XXYLT1: variants seen among roughly 807,000 people sequenced by gnomAD.
XXYLT1 encodes xyloside xylosyltransferase 1.
In XXYLT1, 20 loss-of-function variants were observed where a neutral mutation model predicts 28.9. That is an observed-to-expected ratio of 0.69 (90% CI 0.49 to 1.00). The LOEUF (loss-of-function observed/expected upper bound fraction) is 1.00. Among genes scored for constraint, XXYLT1 ranks in the 50% least tolerant of loss-of-function variants. XXYLT1 has a pLI of 0.00. For missense variants in XXYLT1, 542 were observed against 560.1 expected, an observed-to-expected ratio of 0.97 and a Z score of 0.33; for synonymous variants, 257 against 253.8, an observed-to-expected ratio of 1.01 and a Z score of -0.12.
chr3:195,127,899 C>T (rs1198386592), intron 3 of XXYLT1, among the ~76,000 whole-genome samples: 1 of 152,132 alleles, frequency 6.6e-6, no homozygotes, highest in Admixed American at 6.5e-5. Context: ...TTATATAAAT[C>T]ATTGAAAGAG....
chr3:195,131,558 G>A (rs1718907213), intron 3 of XXYLT1, among the ~76,000 whole-genome samples: 1 of 152,232 alleles, frequency 6.6e-6, no homozygotes, highest in Non-Finnish European at 1.5e-5. Flanking sequence ...CATTCCAGCT[G>A]TAGGACACTT....
At chr3:195,088,995 G>A (rs1011725947) in intron 3 of XXYLT1, among the ~76,000 whole-genome samples, 18 of 152,162 alleles carry the variant, frequency 1.2e-4, no homozygotes, top group African/African-American at 4.3e-4. Flanking sequence ...AAAAAGAAAT[G>A]AGCAAAGCCT....
chr3:195,110,863 G>A (rs535512357), intron 3 of XXYLT1, among the ~76,000 whole-genome samples: 1 of 149,956 alleles, frequency 6.7e-6, no homozygotes, highest in East Asian at 2.0e-4. Flanking sequence ...GTATAAGTGT[G>A]TGTGTGGTGT....
intron 3 of XXYLT1, among the ~76,000 whole-genome samples, chr3:195,138,416 G>T (rs1038329547): frequency 4.6e-5 from 7 of 152,192 alleles, no homozygotes; most frequent in Non-Finnish European, 1.0e-4. Flanking sequence ...TCATAGCCTT[G>T]CAGAGGGAGA....
intron 3 of XXYLT1, among the ~76,000 whole-genome samples, chr3:195,118,426 C>T (rs1412781317): frequency 3.3e-5 from 5 of 152,236 alleles, no homozygotes; most frequent in African/African-American, 7.2e-5. Context: ...GCTTCCACAC[C>T]GGGCTCCCAG....
intron 2 of XXYLT1, among the ~76,000 whole-genome samples, chr3:195,184,338 T>C (rs1261857126): frequency 6.6e-6 from 1 of 152,254 alleles, no homozygotes; most frequent in Non-Finnish European, 1.5e-5. Context: ...TAGCCCAATA[T>C]GTGGAGCTCT....
At chr3:195,181,464 G>A (rs898561032) in intron 2 of XXYLT1, among the ~76,000 whole-genome samples, 2 of 152,226 alleles carry the variant, frequency 1.3e-5, no homozygotes, top group African/African-American at 4.8e-5. Context: ...TCTGAGGGCT[G>A]TGACAGGGGA....
rs1715198332 is a variant in XXYLT1 at position 195,077,642 on chromosome 3, G to T, written c.786-7531C>A. On this transcript the variant is annotated intron_variant, in intron 3 of 3. Transcript: ENST00000310380. The surrounding 1 kb of genome is among the most constrained non-coding windows in gnomAD (Gnocchi z 4.8). ...GTGGGGCCCTGTAAAGCGCGGCCTG[G>T]GGCTGGACGTCGTAGGGGGTGAATG... 6.6e-6 allele frequency among the ~76,000 whole-genome samples: 1 copy of T among 152,188 alleles called. No homozygotes were observed. Among genetic ancestry groups the T allele is most frequent in the African/African-American group, 2.4e-5 (1 of 41,448 alleles).
chr3:195,129,370 AAAG>A lies in XXYLT1; in HGVS notation c.785+27076_785+27078del, dbSNP rs924841886. ...TTTTAGAATATTTTCATCACCTCAA[AAAG>A]AAATCTCGTACCCTTTAGCTATCGC... On this transcript the variant is annotated intron_variant, in intron 3 of 3. Transcript: ENST00000310380. The surrounding 1 kb of genome is among the most constrained non-coding windows in gnomAD (Gnocchi z 4.4). 1.3e-5 allele frequency among the ~76,000 whole-genome samples: 2 copies of A among 152,170 alleles called. 1 individual carries two copies. Among genetic ancestry groups the A allele is most frequent in the Non-Finnish European group, 2.9e-5 (2 of 68,034 alleles).
At chr3:195,167,278 A>T (rs1721175231) in intron 2 of XXYLT1, among the ~76,000 whole-genome samples, 1 of 152,172 alleles carries the variant, frequency 6.6e-6, no homozygotes, top group African/African-American at 2.4e-5. Context: ...TCCATTGATG[A>T]TTCTTGTCTA....
chr3:195,229,239 T>G (rs912322731), intron 1 of XXYLT1, among the ~76,000 whole-genome samples: 1 of 152,240 alleles, frequency 6.6e-6, no homozygotes, highest in Non-Finnish European at 1.5e-5. Context: ...AAAACTTTGT[T>G]ACTATTTTTT....
chr3:195,152,533 T>C (rs532631742), intron 3 of XXYLT1: 2 of 152,370 alleles, frequency 1.3e-5, no homozygotes, highest in Non-Finnish European at 2.9e-5. Context: ...GTCAGTTCCA[T>C]GGACCTAGGA....
chr3:195,256,266 G>A lies in XXYLT1; in HGVS notation c.504+14289C>T, dbSNP rs1402209582. Among the ~76,000 whole-genome samples the A allele has an allele frequency of 1.3e-5, 2 of 152,192 alleles. No homozygotes were observed. ...CCCCTCACAGGCCTGGCTGCTCCAA[G>A]GTTAAATGAGGGAGGAAAAGCAGGA... On this transcript the variant is annotated intron_variant, in intron 1 of 3. Coordinates refer to ENST00000310380, the MANE Select transcript of XXYLT1 (RefSeq NM_152531.5). This position sits in a 1 kb window ranked among gnomAD's most constrained non-coding sequence, Gnocchi z 4.2.
intron 3 of XXYLT1, among the ~76,000 whole-genome samples, chr3:195,098,349 C>T (rs970371900): frequency 3.9e-5 from 6 of 152,180 alleles, no homozygotes; most frequent in African/African-American, 1.4e-4. Context: ...GTCAGAAGAT[C>T]GAGACCATCC....
intron 3 of XXYLT1, among the ~76,000 whole-genome samples, chr3:195,112,290 T>C (rs373764356): frequency 6.6e-6 from 1 of 152,284 alleles, no homozygotes; most frequent in East Asian, 1.9e-4. Flanking sequence ...TCGCTGATGC[T>C]TTGGGGTTCG....
chr3:195,099,051 C>G (rs1006708274), intron 3 of XXYLT1, among the ~76,000 whole-genome samples: 1 of 152,114 alleles, frequency 6.6e-6, no homozygotes, highest in African/African-American at 2.4e-5. Context: ...CTGTGGATAC[C>G]AAAGGAAAAA....
rs1418916454 is a variant in XXYLT1, at chr3:195,175,795, C to T, written c.653-19214G>A. 7 of 1,474,712 alleles carry T rather than the reference C, an allele frequency of 4.7e-6. No individual in the cohort carries two copies. In the East Asian group the frequency reaches 7.8e-5, roughly 17 times the overall value. 91.4% of individuals were successfully genotyped at this position (1,474,712 alleles called of 1,614,324 possible). ...CCTGGAAGCCACATGCTCCAGATGG[C>T]GTCGTTACAGGATGGAAGTGGCCTC... On this transcript the variant is annotated intron_variant, in intron 2 of 3. Transcript: ENST00000310380.
At chr3:195,185,294 C>CAGCTCAGG (rs1346797702) in intron 2 of XXYLT1, among the ~76,000 whole-genome samples, 1 of 152,088 alleles carries the variant, frequency 6.6e-6, no homozygotes, top group East Asian at 1.9e-4. Context: ...CTGGAAACAC[C>CAGCTCAGG]AGCTCAGGGA....
chr3:195,192,188 T>C (rs949788857), intron 2 of XXYLT1, among the ~76,000 whole-genome samples: 6 of 152,160 alleles, frequency 3.9e-5, no homozygotes. Flanking sequence ...TTTGGGAGGC[T>C]GAGGCAGGTG....
Sources: allele counts gnomAD v4.1 joint callset (sites outside exome capture counted in the v4.1 genomes callset), GRCh38; gene constraint gnomAD v4.1.1; non-coding constraint Gnocchi (gnomAD v3.1); transcripts MANE v1.5; gene names NCBI Gene and HGNC (gene_info 2026-07-23, HGNC 2026-07-21).